NCKAP1L: variants seen among roughly 807,000 people sequenced by gnomAD.
NCKAP1L encodes the protein NCK associated protein 1 like, also known as nck-associated protein 1-like.
Under a neutral mutation model 139.2 loss-of-function variants are expected in NCKAP1L, and 53 were observed. That is an observed-to-expected ratio of 0.38 (90% CI 0.31 to 0.48). NCKAP1L has a LOEUF of 0.48. Ranked by LOEUF, NCKAP1L falls within the 20% of genes least tolerant of loss-of-function variation. The pLI is 0.98. For synonymous variants in NCKAP1L, 468 were observed against 499.7 expected (o/e 0.94, Z 0.85); for missense variants, 1,151 against 1,381.9 (o/e 0.83, Z 2.65).
chr12:54,511,942 C>G lies in NCKAP1L; in HGVS notation c.785-7C>G. 1 of 1,614,186 alleles carries G rather than the reference C, an allele frequency of 6.2e-7. No individual in the cohort carries two copies. The highest frequency in any genetic ancestry group is 8.5e-7 in the Non-Finnish European group (1 of 1,180,018). ...AGTCTTCCTCTGCACTGTTTTCCCA[C>G]CTACAGTTGGGTTTCTTCTTTGTCA... is the stretch of plus-strand genomic sequence containing the variant. On this transcript the variant is annotated splice_polypyrimidine_tract_variant and splice_region_variant and intron_variant, in intron 8 of 30. Transcript: ENST00000293373.
Position 54,531,764 on chromosome 12 carries a change from G to T in NCKAP1L, c.2720G>T (p.Arg907Leu), listed in dbSNP as rs1425457039. ...TCAGGGGCTGAAAATGTGCTAAAGC[G>T]CATGACCATCATTGGGGTTATCCTC... The part of the protein sequence containing the change: ...QLTGAENVLK[R>L]MTIIGVILSF... Residue 907 changes from arginine to leucine, a missense_variant, in exon 25 of 31, where the codon CGC (arginine) becomes CTC (leucine). Physicochemically the swap from Arg to Leu is moderately radical, Grantham distance 102 (BLOSUM62 -2). Coordinates refer to ENST00000293373, the MANE Select transcript of NCKAP1L (RefSeq NM_005337.5). 1 of 1,612,726 alleles carries T rather than the reference G, an allele frequency of 6.2e-7. No individual in the cohort carries two copies. Among genetic ancestry groups the T allele is most frequent in the Non-Finnish European group, 8.5e-7 (1 of 1,178,818 alleles).
intron 7 of NCKAP1L, among the ~76,000 whole-genome samples, chr12:54,510,823 G>T (rs1375512276): frequency 6.6e-6 from 1 of 151,610 alleles, no homozygotes. Flanking sequence ...CGCCCAGCCT[G>T]TTTATTTTTT....
At chr12:54,528,056 G>A (rs1339783329) in intron 21 of NCKAP1L, among the ~76,000 whole-genome samples, 191 bp from the exon 22 acceptor site, 1 of 152,178 alleles carries the variant, frequency 6.6e-6, no homozygotes, top group Non-Finnish European at 1.5e-5. Flanking sequence ...TGGAATTCCA[G>A]TACTGCCAGT....
chr12:54,515,884 C>A (rs1359144444), intron 9 of NCKAP1L, among the ~76,000 whole-genome samples: 1 of 152,122 alleles, frequency 6.6e-6, no homozygotes, highest in Non-Finnish European at 1.5e-5. Context: ...TCCCTTTAAC[C>A]CCCTCAAACC....
At chr12:54,539,413 A>G (rs1212459077) in intron 30 of NCKAP1L, among the ~76,000 whole-genome samples, 1 of 152,218 alleles carries the variant, frequency 6.6e-6, no homozygotes, top group Non-Finnish European at 1.5e-5. Context: ...GTGGGGGCTC[A>G]GAGGAGGGAA....
At chr12:54,540,999 A>G (rs1425652088) in intron 30 of NCKAP1L, among the ~76,000 whole-genome samples, 1 of 152,240 alleles carries the variant, frequency 6.6e-6, no homozygotes, top group Non-Finnish European at 1.5e-5. Context: ...GAGGCTACTC[A>G]TGTAGCCTCA....
intron 28 of NCKAP1L, 60 bp from the exon 29 acceptor site, chr12:54,536,883 TG>T: frequency 8.4e-7 from 1 of 1,186,202 alleles, no homozygotes. Flanking sequence ...TGGGTCATCC[TG>T]GAGTGGCTTA....
chr12:54,520,773 C>T lies in NCKAP1L; in HGVS notation c.1705C>T (p.Pro569Ser). 1 of 1,614,062 alleles carries T rather than the reference C, an allele frequency of 6.2e-7. No homozygotes were observed. Among genetic ancestry groups the T allele is most frequent in the East Asian group, 2.2e-5 (1 of 44,864 alleles). Residue 569 changes from proline (P) to serine (S), a missense_variant, in exon 17 of 31, where the codon CCC becomes TCC. By Grantham distance (74) the Pro-to-Ser change is moderately conservative. Transcript: ENST00000293373. ...CATGTTGCGTTATGCCATTGCTTTC[C>T]CCCTGATTTGTGCTCACTTTGTCCA... ...SAMLRYAIAFPLICAHFVHCT... is the reference protein window; with the variant it reads ...SAMLRYAIAFSLICAHFVHCT...
intron 15 of NCKAP1L, 45 bp downstream of exon 15, chr12:54,519,017 C>A: frequency 6.3e-7 from 1 of 1,578,544 alleles, no homozygotes; most frequent in Non-Finnish European, 8.7e-7. Flanking sequence ...CAGATTCTTC[C>A]TCCCCCACAA....
At chr12:54,519,029 C>G (rs1405594839) in intron 15 of NCKAP1L, 57 bp downstream of exon 15, 1 of 1,568,190 alleles carries the variant, frequency 6.4e-7, no homozygotes, top group African/African-American at 1.4e-5. Flanking sequence ...CCCCCACAAT[C>G]CCTTCTCTTT....
chr12:54,506,489 G>A (rs953804124), intron 3 of NCKAP1L, among the ~76,000 whole-genome samples: 1 of 151,558 alleles, frequency 6.6e-6, no homozygotes, highest in African/African-American at 2.4e-5. Context: ...TGCAACCTCC[G>A]CCTCTCAGCT....
At chr12:54,528,631 CTT>C (rs1187000572) in intron 22 of NCKAP1L, among the ~76,000 whole-genome samples, 1 of 142,962 alleles carries the variant, frequency 7.0e-6, no homozygotes, top group Non-Finnish European at 1.5e-5. Flanking sequence ...TCTTCTTCTT[CTT>C]TTTTTTTTTT....
Position 54,526,545 on chromosome 12 carries a change from C to A in NCKAP1L, c.2174C>A (p.Ala725Asp), listed in dbSNP as rs763730097. Reference protein sequence around the residue: ...ARLNRAIVWLAGYNATTQEIV... With the variant: ...ARLNRAIVWLDGYNATTQEIV... Reference sequence around the variant, plus strand: ...TCACCTAGAGCCATTGTGTGGCTGGCTGGCTACAATGCCACGACCCAGGAG... The same window carrying A: ...TCACCTAGAGCCATTGTGTGGCTGGATGGCTACAATGCCACGACCCAGGAG... Residue 725 changes from alanine (A) to aspartate (D), a missense_variant, in exon 21 of 31, where the codon GCT becomes GAT. By Grantham distance (126) the Ala-to-Asp change is moderately radical. Coordinates refer to ENST00000293373, the MANE Select transcript of NCKAP1L (RefSeq NM_005337.5). 6.2e-7 allele frequency: 1 copy of A among 1,613,852 alleles called. No individual in the cohort carries two copies. The highest frequency in any genetic ancestry group is 8.5e-7 in the Non-Finnish European group (1 of 1,179,898).
rs760116643 is a variant in NCKAP1L, at chr12:54,509,952, C to A, written c.702C>A (p.Pro234=). 4 of 1,614,222 alleles carry A rather than the reference C, an allele frequency of 2.5e-6. No individual in the cohort carries two copies. In the South Asian group the frequency reaches 4.4e-5, roughly 18 times the overall value. ...SAQLLSLISN[P]PAMINPANSD... is the part of the protein sequence containing the mutation. ...AACTTCTAAGCCTCATCAGCAACCC[C>A]CCAGCCATGATTAACCCTGCTAATT... The change falls in exon 7 of 31, where the codon CCC becomes CCA. Residue 234 remains proline, a synonymous_variant. Coordinates refer to ENST00000293373, the MANE Select transcript of NCKAP1L (RefSeq NM_005337.5).
rs139066637 is a variant in NCKAP1L, at chr12:54,523,891, C to T, written c.2091C>T (p.Ser697=). 7.7e-5 allele frequency: 124 copies of T among 1,613,974 alleles called. No individual in the cohort carries two copies. Among genetic ancestry groups the T allele is most frequent in the Non-Finnish European group, 1.0e-4 (118 of 1,179,948 alleles). Residue 697 remains serine, a synonymous_variant, in exon 20 of 31, where the codon TCC becomes TCT. Coordinates refer to ENST00000293373, the MANE Select transcript of NCKAP1L (RefSeq NM_005337.5). Reference sequence around the variant, plus strand: ...CAATGAATCATGTATACAGTTTCTCCGTGTTTGAACATACTATCTTCCCTT... The same window carrying T: ...CAATGAATCATGTATACAGTTTCTCTGTGTTTGAACATACTATCTTCCCTT... ...ALTMNHVYSF[S]VFEHTIFPSE... is the part of the protein sequence containing the mutation.
intron 7 of NCKAP1L, among the ~76,000 whole-genome samples, chr12:54,511,341 A>T (rs1956888752): frequency 6.6e-6 from 1 of 152,094 alleles, no homozygotes. Flanking sequence ...CACCTCCATT[A>T]TTGGCAGGCT....
chr12:54,502,849 T>C (rs1158630258), intron 3 of NCKAP1L, among the ~76,000 whole-genome samples: 1 of 62,384 alleles, frequency 1.6e-5, no homozygotes, highest in Admixed American at 1.6e-4. Flanking sequence ...AAAAAAAAAA[T>C]TAGCTGGGCA....
rs112229774 is a variant in NCKAP1L at position 54,517,387 on chromosome 12, GT to G, written c.1096-140del. On this transcript the variant is annotated intron_variant, in intron 11 of 30. Transcript: ENST00000293373. ...CCTGATTGTGTGTTCTGTAGTTGAGGTTTTTTGGTGAGTCTGAATGTTTATT... is the reference window on the plus strand; with the variant it reads ...CCTGATTGTGTGTTCTGTAGTTGAGGTTTTTGGTGAGTCTGAATGTTTATT... 495 of 639,878 alleles carry G rather than the reference GT, an allele frequency of 7.7e-4. 2 individuals carry two copies. In the African/African-American group the frequency reaches 7.7e-3, roughly 10 times the overall value. The allele number at this position is 639,878 out of a possible 1,614,324, so 39.6% of individuals were successfully genotyped here.
At position 54,510,291 on chromosome 12, in the gene NCKAP1L, G is replaced by A. The variant is rs1433450051; in HGVS notation, c.735+306G>A. 1.2e-5 allele frequency: 6 copies of A among 487,536 alleles called. No homozygotes were observed. The East Asian group carries it at 2.4e-4, about 20-fold the overall frequency. The allele number at this position is 487,536 out of a possible 1,614,324, so 30.2% of individuals were successfully genotyped here. A position where few individuals can be genotyped will look rare whatever the true frequency, so the allele number is the denominator to read the frequency against. ...AACAGAGTCATTAGGCACCTATTAA[G>A]CCTAGCAGCAACTTGATTTTAGGAA... On this transcript the variant is annotated intron_variant, in intron 7 of 30. Transcript: ENST00000293373.
Sources: gnomAD v4.1 joint callset for allele counts (sites outside exome capture counted in the v4.1 genomes callset) on GRCh38, gnomAD v4.1.1 for gene constraint, MANE v1.5 for transcripts, NCBI Gene and HGNC (gene_info 2026-07-23, HGNC 2026-07-21) for gene names.